Variants in PRKG1 observed in about 807,000 individuals in gnomAD.
PRKG1 encodes the protein protein kinase cGMP-dependent 1.
Under a neutral mutation model 88.1 loss-of-function variants are expected in PRKG1, and 35 were observed. That is an observed-to-expected ratio of 0.40 (90% confidence interval 0.30 to 0.53). The LOEUF is 0.53. Ranked by LOEUF, PRKG1 falls within the 20% of genes least tolerant of loss-of-function variation. The probability of loss-of-function intolerance (pLI) is 0.59; values close to 1 mark genes in which losing one functional copy is unlikely to be tolerated. For missense variants in PRKG1, 540 were observed against 839.8 expected, an observed-to-expected ratio of 0.64 and a Z score of 4.41; for synonymous variants, 303 against 292.5, an observed-to-expected ratio of 1.04 and a Z score of -0.37.
At chr10:52,275,635 T>A (rs1413112244) in intron 12 of PRKG1, among the ~76,000 whole-genome samples, 1 of 152,188 alleles carries the variant, frequency 6.6e-6, no homozygotes, top group Non-Finnish European at 1.5e-5. Context: ...GATTTGTTCT[T>A]TTTGCTTAAT....
At chr10:51,414,247 G>A (rs1375945030) in intron 2 of PRKG1, among the ~76,000 whole-genome samples, 1 of 152,166 alleles carries the variant, frequency 6.6e-6, no homozygotes, top group Non-Finnish European at 1.5e-5. Context: ...CATTGCAAAT[G>A]TGGAACAAAA....
intron 9 of PRKG1, among the ~76,000 whole-genome samples, chr10:52,250,511 T>C (rs1471808577): frequency 6.6e-6 from 1 of 152,200 alleles, no homozygotes; most frequent in African/African-American, 2.4e-5. Flanking sequence ...TATGCAAAAG[T>C]ATACATAAAT....
intron 3 of PRKG1, among the ~76,000 whole-genome samples, chr10:51,742,756 T>TTGGGAGAAATC (rs1196648486): frequency 1.3e-5 from 2 of 151,900 alleles, no homozygotes; most frequent in African/African-American, 4.8e-5. Flanking sequence ...CAGGAGAAAT[T>TTGGGAGAAATC]TGGGAGAAAT....
intron 5 of PRKG1, among the ~76,000 whole-genome samples, chr10:52,026,650 CTG>C (rs563454096): frequency 7.6e-4 from 116 of 152,274 alleles, no homozygotes; most frequent in African/African-American, 2.7e-3. Flanking sequence ...ATACACAACT[CTG>C]TTAAGATACT....
At chr10:52,160,598 C>A (rs1335776205) in intron 8 of PRKG1, among the ~76,000 whole-genome samples, 1 of 151,878 alleles carries the variant, frequency 6.6e-6, no homozygotes, top group East Asian at 1.9e-4. Flanking sequence ...CTCCACCCAC[C>A]CCAAGAAGGA....
chr10:51,798,450 C>T (rs1326266390), intron 3 of PRKG1, among the ~76,000 whole-genome samples: 3 of 151,916 alleles, frequency 2.0e-5, no homozygotes, highest in African/African-American at 7.3e-5. Flanking sequence ...ATACATTTAT[C>T]TTCTTGGCCA....
intron 3 of PRKG1, among the ~76,000 whole-genome samples, chr10:51,749,988 T>G (rs1434999531): frequency 6.8e-6 from 1 of 148,012 alleles, no homozygotes; most frequent in Non-Finnish European, 1.5e-5. Context: ...CAGGCTGGAG[T>G]GCAATGGCGT....
intron 5 of PRKG1, among the ~76,000 whole-genome samples, chr10:52,035,201 T>C (rs1040654324): frequency 7.2e-5 from 11 of 152,144 alleles, no homozygotes; most frequent in Non-Finnish European, 1.3e-4. Context: ...GGCCTCTACC[T>C]ATCCAGTGAA....
chr10:52,045,711 G>GA lies in PRKG1; in HGVS notation c.763-8764dup, dbSNP rs112340543. 7.3e-4 allele frequency among the ~76,000 whole-genome samples: 110 copies of GA among 150,006 alleles called. 1 individual carries two copies. The highest frequency in any genetic ancestry group is 1.6e-3 in the Admixed American group (24 of 14,998). On this transcript the variant is annotated intron_variant, in intron 5 of 17. Transcript: ENST00000373980. ...AGATAACTATACTTGATGATTAAAA[G>GA]AAAAAAAAACAATTTTTTGTCCACA...
chr10:51,792,327 T>C (rs1291337874), intron 3 of PRKG1, among the ~76,000 whole-genome samples: 2 of 152,092 alleles, frequency 1.3e-5, no homozygotes, highest in Non-Finnish European at 2.9e-5. Flanking sequence ...AAAAAATTCC[T>C]TTTTTTCCCT....
At chr10:51,299,792 A>G (rs1341200497) in intron 2 of PRKG1, 2 of 330,760 alleles carry the variant, frequency 6.0e-6, no homozygotes, top group Admixed American at 5.4e-5. Flanking sequence ...CTCTGCAATA[A>G]TAGAAATTCA....
chr10:52,063,504 G>A (rs557795263), intron 7 of PRKG1, among the ~76,000 whole-genome samples: 1 of 152,338 alleles, frequency 6.6e-6, no homozygotes, highest in South Asian at 2.1e-4. Flanking sequence ...CTTACAATGT[G>A]GCAAGCAAGG....
At chr10:51,635,285 C>CAAA (rs141088007) in intron 3 of PRKG1, among the ~76,000 whole-genome samples, 1 of 108,832 alleles carries the variant, frequency 9.2e-6, no homozygotes, top group Admixed American at 9.2e-5. Context: ...ATTATTTTAG[C>CAAA]AAAAAAAAAA....
chr10:52,031,933 G>A (rs765882432), intron 5 of PRKG1, among the ~76,000 whole-genome samples: 3 of 152,124 alleles, frequency 2.0e-5, no homozygotes, highest in Non-Finnish European at 2.9e-5. Flanking sequence ...AGCCCACAAG[G>A]GAAAAGGCAT....
chr10:52,293,775 TA>T lies in PRKG1; in HGVS notation c.1963-19del, dbSNP rs145115489. ...TGGAATTCCACTAAAAAAAATCCAC[TA>T]AAAAAAACCTGTCCATTTTTTACAG... On this transcript the variant is annotated intron_variant, in intron 17 of 17. Transcript: ENST00000373980. 58 of 1,573,986 alleles carry T rather than the reference TA, an allele frequency of 3.7e-5. No homozygotes were observed. Among genetic ancestry groups the T allele is most frequent in the African/African-American group, 2.2e-4 (16 of 73,502 alleles).
At chr10:51,145,792 C>T (rs1234080675) in intron 1 of PRKG1, among the ~76,000 whole-genome samples, 2 of 152,296 alleles carry the variant, frequency 1.3e-5, no homozygotes, top group South Asian at 2.1e-4. Flanking sequence ...CTTAGCATTG[C>T]TCCTAGTCAA....
intron 2 of PRKG1, among the ~76,000 whole-genome samples, chr10:51,431,624 A>G (rs1000709300): frequency 6.6e-6 from 1 of 152,146 alleles, no homozygotes; most frequent in Admixed American, 6.6e-5. Context: ...ATAATTGGAC[A>G]GCTCTGAGAG....
chr10:51,775,534 C>A (rs1432779274), intron 3 of PRKG1, among the ~76,000 whole-genome samples: 1 of 151,736 alleles, frequency 6.6e-6, no homozygotes, highest in Admixed American at 6.6e-5. Context: ...AGCGCCTTCT[C>A]CTTTCATATT....
At chr10:51,090,519 C>G (rs1425645135) in intron 1 of PRKG1, among the ~76,000 whole-genome samples, 5 of 151,810 alleles carry the variant, frequency 3.3e-5, no homozygotes, top group Admixed American at 2.6e-4. Context: ...ACAGGCCTAC[C>G]AAAAATTTAA....
Sources: gnomAD v4.1 joint callset for allele counts (sites outside exome capture counted in the v4.1 genomes callset) on GRCh38, gnomAD v4.1.1 for gene constraint, MANE v1.5 for transcripts, NCBI Gene and HGNC (gene_info 2026-07-23, HGNC 2026-07-21) for gene names.